Variants in SMARCA4 observed in about 807,000 individuals in gnomAD.
The protein encoded by SMARCA4 is SWI/SNF related BAF chromatin remodeling complex subunit ATPase 4.
SMARCA4 carries 31 observed loss-of-function variants against 193.9 expected under a neutral mutation model. That is an observed-to-expected ratio of 0.16 (90% CI 0.12 to 0.22). The LOEUF is 0.22. Ranked by LOEUF, SMARCA4 falls within the 10% of genes least tolerant of loss-of-function variation. The pLI is 1.00. For synonymous variants in SMARCA4, 942 were observed against 933.1 expected (o/e 1.01, Z -0.17); for missense variants, 1,148 against 2,296.0 (o/e 0.50, Z 10.22).
chr19:11,048,313 C>T (rs961696746), intron 30 of SMARCA4, among the ~76,000 whole-genome samples: 3 of 152,086 alleles, frequency 2.0e-5, no homozygotes, highest in African/African-American at 7.2e-5. Context: ...CTCCCTGCAA[C>T]CTCCACCTTC....
chr19:10,977,196 G>A (rs1207071716), intron 1 of SMARCA4, among the ~76,000 whole-genome samples: 1 of 152,230 alleles, frequency 6.6e-6, no homozygotes, highest in African/African-American at 2.4e-5. Flanking sequence ...TCTCCAGCCA[G>A]CTGCTTCTAC....
At chr19:11,060,304 C>T in intron 34 of SMARCA4, 117 bp downstream of exon 34, 1 of 1,324,244 alleles carries the variant, frequency 7.6e-7, no homozygotes, top group Admixed American at 2.0e-5. Flanking sequence ...GGTGGGAAAG[C>T]TGAGGCTTGA....
At chr19:11,008,624 A>G (rs992092489) in intron 14 of SMARCA4, among the ~76,000 whole-genome samples, 3 of 152,196 alleles carry the variant, frequency 2.0e-5, no homozygotes, top group African/African-American at 7.2e-5. Context: ...AACACATCAC[A>G]GTTAACACAG....
chr19:10,981,711 C>T (rs11670256), intron 1 of SMARCA4, among the ~76,000 whole-genome samples: 4,273 of 152,304 alleles, frequency 0.028, 93 homozygotes, highest in Non-Finnish European at 0.041. Context: ...TGCAGTGTCT[C>T]ACACCTGTAA....
intron 16 of SMARCA4, among the ~76,000 whole-genome samples, chr19:11,014,811 ATTTTTATTTT>A (rs1420182140): frequency 4.0e-5 from 6 of 151,804 alleles, no homozygotes; most frequent in African/African-American, 1.5e-4. Flanking sequence ...GATCTCATTT[ATTTTTATTTT>A]TTTTTATTTT....
At chr19:11,009,985 A>C (rs1287289750) in intron 14 of SMARCA4, among the ~76,000 whole-genome samples, 1 of 151,908 alleles carries the variant, frequency 6.6e-6, no homozygotes, top group Non-Finnish European at 1.5e-5. Context: ...CACTGTGCCC[A>C]GCCTAATTTT....
At chr19:10,971,490 CTTTT>C (rs59060453) in intron 1 of SMARCA4, among the ~76,000 whole-genome samples, 17 of 134,944 alleles carry the variant, frequency 1.3e-4, no homozygotes, top group Non-Finnish European at 2.3e-4. Context: ...GACATTGTGT[CTTTT>C]TTTTTTTTTT....
chr19:10,992,512 C>T (rs1328887378), intron 8 of SMARCA4, among the ~76,000 whole-genome samples: 2 of 150,498 alleles, frequency 1.3e-5, no homozygotes, highest in Non-Finnish European at 3.0e-5. Flanking sequence ...GCAACCTCTG[C>T]CTCCTGGGTT....
Position 11,019,535 on chromosome 19 carries a change from T to C in SMARCA4, c.2506-56T>C. 8.5e-7 allele frequency: 1 copy of C among 1,181,540 alleles called. No individual in the cohort carries two copies. Among genetic ancestry groups the C allele is most frequent in the Admixed American group, 1.9e-5 (1 of 51,670 alleles). 73.2% of individuals were successfully genotyped at this position (1,181,540 alleles called of 1,614,324 possible). A position where few individuals can be genotyped will look rare whatever the true frequency, so the allele number is the denominator to read the frequency against. On this transcript the variant is annotated intron_variant, in intron 17 of 34. Coordinates refer to ENST00000344626, the MANE Select transcript of SMARCA4 (RefSeq NM_003072.5). This position sits in a 1 kb window ranked among gnomAD's most constrained non-coding sequence, Gnocchi z 6.1. ...TTGCAGGGGGTGCCTGTGCCCCTCT[T>C]GCCACCTGGCCACCCGGCTCCAAAA...
intron 1 of SMARCA4, among the ~76,000 whole-genome samples, chr19:10,974,704 T>A (rs1212501311): frequency 1.4e-3 from 139 of 97,258 alleles, no homozygotes; most frequent in Non-Finnish European, 2.4e-3. Flanking sequence ...TTTTTTTTTT[T>A]TTTTTTTTTT....
chr19:11,026,947 A>C (rs2090310104), intron 23 of SMARCA4, among the ~76,000 whole-genome samples: 1 of 151,642 alleles, frequency 6.6e-6, no homozygotes, highest in African/African-American at 2.4e-5. Flanking sequence ...CTGAGCCTAA[A>C]CTCTGCTCAC....
At chr19:11,028,712 G>A (rs576780834) in intron 24 of SMARCA4, among the ~76,000 whole-genome samples, 1 of 152,366 alleles carries the variant, frequency 6.6e-6, no homozygotes, top group East Asian at 1.9e-4. Context: ...AGCTCAGGGA[G>A]GAGAGGCTGT....
intron 1 of SMARCA4, among the ~76,000 whole-genome samples, chr19:10,980,431 C>T (rs748388375): frequency 8.5e-5 from 13 of 152,088 alleles, no homozygotes; most frequent in Non-Finnish European, 1.3e-4. Flanking sequence ...GAGGCTGTGA[C>T]GGCATCGCAT....
chr19:11,000,646 C>A (rs1453488653), intron 11 of SMARCA4, among the ~76,000 whole-genome samples: 7 of 151,848 alleles, frequency 4.6e-5, no homozygotes, highest in Non-Finnish European at 8.8e-5. Flanking sequence ...TTTGGGAGGC[C>A]GAGGCAGGCA....
intron 1 of SMARCA4, among the ~76,000 whole-genome samples, chr19:10,964,321 T>C (rs114058087): frequency 0.039 from 5,969 of 152,084 alleles, 143 homozygotes; most frequent in African/African-American, 0.056. Context: ...TTCTTTCTTT[T>C]TTTTTTGAGA....
intron 30 of SMARCA4, among the ~76,000 whole-genome samples, chr19:11,043,500 G>A (rs575623484): frequency 9.9e-5 from 15 of 151,886 alleles, no homozygotes; most frequent in Admixed American, 4.6e-4. Flanking sequence ...CTTAAAGTGC[G>A]GGATACAGCT....
chr19:11,023,645 G>A lies in SMARCA4; in HGVS notation c.2973+14G>A, dbSNP rs372877301. The A allele has an allele frequency of 3.5e-4, 537 of 1,539,856 alleles. 6 individuals are homozygous for A. The highest frequency in any genetic ancestry group is 2.8e-4 in the Admixed American group (16 of 57,522). On this transcript the variant is annotated intron_variant, in intron 20 of 34. Transcript: ENST00000344626. ...TTGCCCGAAAAGGTGATGGAGTTTT[G>A]AGGGGAGCCACCAGTGAAGCAGCCT...
intron 18 of SMARCA4, chr19:11,021,156 C>T (rs538375527): frequency 5.0e-4 from 101 of 202,540 alleles, no homozygotes; most frequent in Middle Eastern, 4.6e-3. Flanking sequence ...ACCCCGTGCT[C>T]CCCTGCCAGT....
Position 11,055,432 on chromosome 19 carries a change from C to T in SMARCA4, c.4425-2823C>T, listed in dbSNP as rs577438126. Reference sequence around the variant, plus strand: ...CTTGAACTCCGGACTTCGTGATCCACCCACCTCAGCCTCCCAAAGTTCTGG... The same window carrying T: ...CTTGAACTCCGGACTTCGTGATCCATCCACCTCAGCCTCCCAAAGTTCTGG... On this transcript the variant is annotated intron_variant, in intron 30 of 34. Coordinates refer to ENST00000344626, the MANE Select transcript of SMARCA4 (RefSeq NM_003072.5). 6.6e-5 allele frequency among the ~76,000 whole-genome samples: 10 copies of T among 152,276 alleles called. No homozygotes were observed. In the South Asian group the frequency reaches 1.9e-3, roughly 28 times the overall value.
Sources: gnomAD v4.1 joint callset for allele counts (sites outside exome capture counted in the v4.1 genomes callset) on GRCh38, gnomAD v4.1.1 for gene constraint, Gnocchi (gnomAD v3.1) non-coding constraint, MANE v1.5 for transcripts, NCBI Gene and HGNC (gene_info 2026-07-23, HGNC 2026-07-21) for gene names.